RSPH9: variants seen among roughly 807,000 people sequenced by gnomAD.
RSPH9 encodes the protein radial spoke head component 9.
Under a neutral mutation model 27.0 loss-of-function variants are expected in RSPH9, and 27 were observed. The ratio of observed to expected loss-of-function variants is 1.00; its 90% CI spans 0.74 to 1.38. The LOEUF is 1.38. Ranked by LOEUF, RSPH9 falls within the 40% of genes most tolerant of loss-of-function variation. RSPH9 has a pLI of 0.00. For missense variants in RSPH9, 347 were observed against 357.4 expected (o/e 0.97, Z 0.24); for synonymous variants, 145 against 147.7 (o/e 0.98, Z 0.13).
chr6:43,649,690 G>A (rs1379977218), intron 1 of RSPH9, among the ~76,000 whole-genome samples: 1 of 152,094 alleles, frequency 6.6e-6, no homozygotes, highest in African/African-American at 2.4e-5. Flanking sequence ...CATAGGCTGG[G>A]CATTCCTGAG....
chr6:43,669,027 C>T (rs1430295318), intron 4 of RSPH9, among the ~76,000 whole-genome samples: 1 of 152,154 alleles, frequency 6.6e-6, no homozygotes, highest in African/African-American at 2.4e-5. Context: ...AAGTACCAGG[C>T]TAGGGACTCT....
chr6:43,667,888 C>T (rs1466244995), intron 4 of RSPH9, among the ~76,000 whole-genome samples: 2 of 152,110 alleles, frequency 1.3e-5, no homozygotes, highest in Non-Finnish European at 2.9e-5. Flanking sequence ...TACTGTCCCT[C>T]GATCTTAATC....
chr6:43,657,761 C>T (rs1315216208), intron 4 of RSPH9, among the ~76,000 whole-genome samples: 1 of 152,192 alleles, frequency 6.6e-6, no homozygotes, highest in Non-Finnish European at 1.5e-5. Flanking sequence ...CTCCATTTCC[C>T]TGTGCCTCAG....
In RSPH9 at chr6:43,656,560, C is replaced by T. The variant is rs1225683757; in HGVS notation, c.524-17C>T. Reference sequence around the variant, plus strand: ...TTTGGGCTAACCATCATTTTCCTGCCTGCCACCTCTTTCTAGGACTGTCCT... The same window carrying T: ...TTTGGGCTAACCATCATTTTCCTGCTTGCCACCTCTTTCTAGGACTGTCCT... On this transcript the variant is annotated splice_polypyrimidine_tract_variant and intron_variant, in intron 3 of 4. Transcript: ENST00000372163. 17 of 1,614,028 alleles carry T rather than the reference C, an allele frequency of 1.1e-5. No homozygotes were observed. Among genetic ancestry groups the T allele is most frequent in the Non-Finnish European group, 1.4e-5 (17 of 1,180,034 alleles).
chr6:43,670,642 T>G (rs1773621147), intron 4 of RSPH9, 147 bp from the exon 5 acceptor site: 1 of 643,166 alleles, frequency 1.6e-6, no homozygotes, highest in Non-Finnish European at 2.7e-6. Flanking sequence ...AATCAGGGAG[T>G]AAAGCATCTG....
chr6:43,648,918 C>G (rs1446107948), intron 1 of RSPH9, among the ~76,000 whole-genome samples: 4 of 152,164 alleles, frequency 2.6e-5, no homozygotes, highest in Admixed American at 6.5e-5. Context: ...GGAAATAGAA[C>G]TGGAGATGCA....
chr6:43,657,340 T>C (rs1421926750), intron 4 of RSPH9, among the ~76,000 whole-genome samples: 1 of 152,190 alleles, frequency 6.6e-6, no homozygotes, highest in Non-Finnish European at 1.5e-5. Context: ...AACAACTAAC[T>C]CATGAAATGT....
chr6:43,653,470 A>G (rs1011488153), intron 2 of RSPH9, among the ~76,000 whole-genome samples: 1 of 150,514 alleles, frequency 6.6e-6, no homozygotes, highest in Non-Finnish European at 1.5e-5. Context: ...AAAAAAGACC[A>G]TATAGACATC....
chr6:43,651,650 G>C (rs1288573455), intron 2 of RSPH9, among the ~76,000 whole-genome samples: 1 of 151,944 alleles, frequency 6.6e-6, no homozygotes, highest in Non-Finnish European at 1.5e-5. Context: ...CTGGGTTCAA[G>C]CAATTCTCCT....
Position 43,656,679 on chromosome 6 carries a change from C to A in RSPH9, c.626C>A (p.Pro209His). The A allele has an allele frequency of 6.2e-7, 1 of 1,614,208 alleles. No homozygotes were observed. The highest frequency in any genetic ancestry group is 8.5e-7 in the Non-Finnish European group (1 of 1,180,040). Residue 209 changes from proline to histidine, a missense_variant, in exon 4 of 5, where the codon CCC (proline) becomes CAC (histidine). Physicochemically the swap from Pro to His is moderately conservative, Grantham distance 77. Coordinates refer to ENST00000372163, the MANE Select transcript of RSPH9 (RefSeq NM_152732.5). ...KTLLEKADLD[P>H]SLDFMDSLEH... is the part of the protein sequence containing the mutation. ...TTGCTTGAGAAGGCTGACCTGGACC[C>A]CTCCCTGGATTTCATGGACTCCTTG... is the stretch of plus-strand genomic sequence containing the variant.
chr6:43,645,391 G>GGGGCC, intron 1 of RSPH9, 66 bp downstream of exon 1: 5 of 400,202 alleles, frequency 1.2e-5, no homozygotes, highest in East Asian at 7.7e-5. Flanking sequence ...GGGTGGGCGG[G>GGGGCC]TCGCAGCAAT....
chr6:43,666,527 C>A, intron 4 of RSPH9: 2 of 1,528,064 alleles, frequency 1.3e-6, no homozygotes, highest in Non-Finnish European at 8.9e-7. Flanking sequence ...TGAGGTAGGC[C>A]AACGACTCCG....
In RSPH9 at chr6:43,672,024, G is replaced by C; in HGVS notation, c.*1075G>C. 8.2e-7 allele frequency: 1 copy of C among 1,222,064 alleles called. No individual in the cohort carries two copies. Among genetic ancestry groups the C allele is most frequent in the African/African-American group, 1.5e-5 (1 of 65,282 alleles). 75.7% of individuals were successfully genotyped at this position (1,222,064 alleles called of 1,614,324 possible). A position where few individuals can be genotyped will look rare whatever the true frequency, so the allele number is the denominator to read the frequency against. On this transcript the variant is annotated 3_prime_UTR_variant, in exon 5 of 5. Coordinates refer to ENST00000372163, the MANE Select transcript of RSPH9 (RefSeq NM_152732.5). ...GTTGGGCAAGCAAATCCTTTCACCA[G>C]TTTCCCTTTCCTGAAGTGCAGGGAT...
chr6:43,648,245 G>C (rs1771091835), intron 1 of RSPH9, among the ~76,000 whole-genome samples: 1 of 151,736 alleles, frequency 6.6e-6, no homozygotes, highest in South Asian at 2.1e-4. Context: ...CTCCAGCCTG[G>C]GCAACAAGAG....
chr6:43,654,771 T>A (rs1771837725), intron 2 of RSPH9, among the ~76,000 whole-genome samples: 1 of 152,100 alleles, frequency 6.6e-6, no homozygotes, highest in African/African-American at 2.4e-5. Flanking sequence ...TGCAGTGAGC[T>A]GAGATCCCTG....
At chr6:43,657,377 C>T (rs1166899956) in intron 4 of RSPH9, among the ~76,000 whole-genome samples, 7 of 152,312 alleles carry the variant, frequency 4.6e-5, no homozygotes, top group Admixed American at 1.3e-4. Context: ...TGTCAGGCAC[C>T]GTACTCAGCT....
At position 43,645,123 on chromosome 6, in the gene RSPH9, T is replaced by G. The variant is rs767450427; in HGVS notation, c.25T>G (p.Ser9Ala). 4.5e-5 allele frequency: 72 copies of G among 1,612,696 alleles called. No individual in the cohort carries two copies. The highest frequency in any genetic ancestry group is 5.0e-5 in the Admixed American group (3 of 59,996). Residue 9 changes from serine (S) to alanine (A), a missense_variant, in exon 1 of 5, where the codon TCT becomes GCT. By Grantham distance (99) the Ser-to-Ala change is moderately conservative. Transcript: ENST00000372163. MDADSLLL[S>A]LELASGSGQG... ...GATGGACGCCGACAGCCTCCTGCTG[T>G]CTCTGGAGCTGGCGTCCGGCAGTGG...
chr6:43,649,411 C>T (rs781625848), intron 1 of RSPH9, among the ~76,000 whole-genome samples: 3 of 151,764 alleles, frequency 2.0e-5, no homozygotes, highest in East Asian at 1.9e-4. Flanking sequence ...AGGCTGGTCT[C>T]GTGTGATCTG....
chr6:43,649,170 TTTTTTGTTTTGTTTTTG>T (rs1186763653), intron 1 of RSPH9, among the ~76,000 whole-genome samples: 1 of 152,020 alleles, frequency 6.6e-6, no homozygotes, highest in Non-Finnish European at 1.5e-5. Flanking sequence ...TGAGCAGTTT[TTTTTTGTTTTGTTTTTG>T]TTTTTGTTTT....
Sources: gnomAD v4.1 joint callset for allele counts (sites outside exome capture counted in the v4.1 genomes callset) on GRCh38, gnomAD v4.1.1 for gene constraint, MANE v1.5 for transcripts, NCBI Gene and HGNC (gene_info 2026-07-23, HGNC 2026-07-21) for gene names.